ZNF385D: variants seen among roughly 807,000 people sequenced by gnomAD.
ZNF385D encodes zinc finger protein 659.
Under a neutral mutation model 35.8 loss-of-function variants are expected in ZNF385D, and 15 were observed. That is an observed-to-expected ratio of 0.42 (90% CI 0.28 to 0.64). ZNF385D has a LOEUF of 0.64. Ranked by LOEUF, ZNF385D falls within the 30% of genes least tolerant of loss-of-function variation. The pLI is 0.23. For missense variants in ZNF385D, 474 were observed against 494.6 expected (o/e 0.96, Z 0.39); for synonymous variants, 212 against 186.8 (o/e 1.13, Z -1.10).
chr3:22,083,114 G>C (rs143157945), intron 3 of ZNF385D, among the ~76,000 whole-genome samples: 58 of 152,292 alleles, frequency 3.8e-4, no homozygotes, highest in Admixed American at 9.8e-4. Context: ...AAACCACGAA[G>C]ATGGGGAGAA....
chr3:21,454,449 T>C (rs188615839), intron 4 of ZNF385D, among the ~76,000 whole-genome samples: 72 of 152,266 alleles, frequency 4.7e-4, no homozygotes, highest in Admixed American at 1.4e-3. Flanking sequence ...TTTATCTTTT[T>C]CTACCCTTCA....
intron 2 of ZNF385D, among the ~76,000 whole-genome samples, chr3:22,284,503 T>C (rs1442580321): frequency 6.6e-6 from 1 of 152,078 alleles, no homozygotes; most frequent in East Asian, 1.9e-4. Flanking sequence ...ACACAGGATT[T>C]TTTTTAATGA....
chr3:21,572,937 A>G (rs1050334491), intron 2 of ZNF385D, among the ~76,000 whole-genome samples: 1 of 126,184 alleles, frequency 7.9e-6, no homozygotes. Flanking sequence ...CAATATCCCT[A>G]GGAAGTAGAC....
At chr3:21,687,731 TA>T (rs1361401763) in intron 1 of ZNF385D, among the ~76,000 whole-genome samples, 1 of 152,136 alleles carries the variant, frequency 6.6e-6, no homozygotes, top group Non-Finnish European at 1.5e-5. Flanking sequence ...TGTTTTTGAC[TA>T]AGGCAAAAGG....
At chr3:22,321,176 T>G (rs1694407482) in intron 2 of ZNF385D, among the ~76,000 whole-genome samples, 1 of 148,256 alleles carries the variant, frequency 6.7e-6, no homozygotes, top group Non-Finnish European at 1.5e-5. Flanking sequence ...TTTTTTTTTT[T>G]TTTTTTTTTC....
chr3:21,790,855 G>T (rs894364558), intron 3 of ZNF385D, among the ~76,000 whole-genome samples: 7 of 152,146 alleles, frequency 4.6e-5, no homozygotes, highest in African/African-American at 1.7e-4. Context: ...TAAATTTATA[G>T]AATGTGAAAT....
At chr3:21,440,409 C>T (rs919856529) in intron 4 of ZNF385D, among the ~76,000 whole-genome samples, 80 of 152,024 alleles carry the variant, frequency 5.3e-4, no homozygotes, top group African/African-American at 1.9e-3. Context: ...AATTCCTGAC[C>T]AGTACTCCTC....
chr3:22,012,687 T>C (rs1290811724), intron 3 of ZNF385D, among the ~76,000 whole-genome samples: 6 of 151,572 alleles, frequency 4.0e-5, no homozygotes, highest in Non-Finnish European at 7.4e-5. Flanking sequence ...GTATAATGAC[T>C]ATTTCTAGTC....
intron 3 of ZNF385D, among the ~76,000 whole-genome samples, chr3:21,830,191 A>C (rs1328110226): frequency 6.6e-6 from 1 of 152,212 alleles, no homozygotes; most frequent in Non-Finnish European, 1.5e-5. Context: ...TAATTACTCT[A>C]GTAAAAATTC....
At chr3:21,871,385 C>T (rs1402058006) in intron 3 of ZNF385D, among the ~76,000 whole-genome samples, 1 of 152,064 alleles carries the variant, frequency 6.6e-6, no homozygotes, top group African/African-American at 2.4e-5. Context: ...TTGCAACTAC[C>T]CGAAATATTA....
intron 2 of ZNF385D, among the ~76,000 whole-genome samples, chr3:21,605,463 G>C (rs2064450548): frequency 6.6e-6 from 1 of 152,194 alleles, no homozygotes; most frequent in South Asian, 2.1e-4. Context: ...AGGACCTCGT[G>C]TAGGGAACTA....
At chr3:21,462,436 G>T (rs555270543) in intron 4 of ZNF385D, among the ~76,000 whole-genome samples, 88 of 152,092 alleles carry the variant, frequency 5.8e-4, no homozygotes, top group Non-Finnish European at 8.5e-4. Flanking sequence ...GCCAAGAGAA[G>T]AAATATAACT....
intron 3 of ZNF385D, among the ~76,000 whole-genome samples, chr3:21,945,799 G>C (rs971762057): frequency 2.0e-5 from 3 of 151,914 alleles, no homozygotes; most frequent in African/African-American, 7.3e-5. Context: ...GTTTAAATGT[G>C]TGCCTTGACA....
chr3:21,811,165 T>G (rs774270390), intron 3 of ZNF385D, among the ~76,000 whole-genome samples: 10 of 152,096 alleles, frequency 6.6e-5, no homozygotes, highest in Non-Finnish European at 1.3e-4. Context: ...CCGTATAAAC[T>G]CATTGTATTC....
intron 2 of ZNF385D, among the ~76,000 whole-genome samples, chr3:22,207,227 T>C (rs1056838551): frequency 6.6e-6 from 1 of 151,798 alleles, no homozygotes; most frequent in African/African-American, 2.4e-5. Flanking sequence ...GGCATAAAAA[T>C]AGACACACAG....
rs201553116 is a variant in ZNF385D, at chr3:21,527,759, T to C, written c.277-16736A>G. Among the ~76,000 whole-genome samples the C allele has an allele frequency of 1.1e-3, 157 of 149,506 alleles. 1 individual carries two copies. Among genetic ancestry groups the C allele is most frequent in the Admixed American group, 8.0e-3 (120 of 14,978 alleles). ...AATGCTCACTGCAGAAAAACTATGTTAAAAAAAAAAACTATTTCTTCTAAG... is the reference window on the plus strand; with the variant it reads ...AATGCTCACTGCAGAAAAACTATGTCAAAAAAAAAAACTATTTCTTCTAAG... On this transcript the variant is annotated intron_variant, in intron 3 of 7. Transcript: ENST00000281523.
intron 3 of ZNF385D, among the ~76,000 whole-genome samples, chr3:22,018,213 A>C (rs937856262): frequency 7.9e-5 from 12 of 151,542 alleles, no homozygotes; most frequent in African/African-American, 2.2e-4. Context: ...GTTAGAAATA[A>C]ATATGACTGT....
intron 2 of ZNF385D, among the ~76,000 whole-genome samples, chr3:22,278,751 A>G (rs558531158): frequency 6.6e-6 from 1 of 152,234 alleles, no homozygotes; most frequent in African/African-American, 2.4e-5. Context: ...AATGTGTTTT[A>G]CTTAAAAAGA....
chr3:21,945,331 T>A (rs959450649), intron 3 of ZNF385D, among the ~76,000 whole-genome samples: 20 of 151,990 alleles, frequency 1.3e-4, no homozygotes, highest in Admixed American at 5.9e-4. Context: ...TTCAGAAAAA[T>A]TTTTTAACCA....
Sources: gnomAD v4.1 joint callset for allele counts (sites outside exome capture counted in the v4.1 genomes callset) on GRCh38, gnomAD v4.1.1 for gene constraint, MANE v1.5 for transcripts, NCBI Gene and HGNC (gene_info 2026-07-23, HGNC 2026-07-21) for gene names.